Variants in RNF40 observed in about 807,000 individuals in gnomAD.
The protein encoded by RNF40 is E3 ubiquitin-protein ligase BRE1B.
Under a neutral mutation model 123.3 loss-of-function variants are expected in RNF40, and 39 were observed. That is an observed-to-expected ratio of 0.32 (90% CI 0.24 to 0.41). RNF40 has a LOEUF of 0.41. Among genes scored for constraint, RNF40 ranks in the 10% least tolerant of loss-of-function variants. The probability of loss-of-function intolerance (pLI) is 1.00; values close to 1 mark genes in which losing one functional copy is unlikely to be tolerated. For synonymous variants in RNF40, 538 were observed against 526.0 expected, an observed-to-expected ratio of 1.02 and a Z score of -0.31; for missense variants, 1,003 against 1,319.9, an observed-to-expected ratio of 0.76 and a Z score of 3.72.
At chr16:30,767,572 A>C (rs914078601) in intron 11 of RNF40, 1 of 237,346 alleles carries the variant, frequency 4.2e-6, no homozygotes, top group African/African-American at 2.2e-5. Flanking sequence ...TCGGAGGCCA[A>C]GGTGGGAGGA....
chr16:30,762,659 T>C lies in RNF40; in HGVS notation c.114T>C (p.Leu38=). Reference sequence around the variant, plus strand: ...CGACTCTTATCGAGCCCATTCGTCTTGGAGGCATCTCTTCCACGGTTCGTG... The same window carrying C: ...CGACTCTTATCGAGCCCATTCGTCTCGGAGGCATCTCTTCCACGGTTCGTG... ...TTTTLIEPIR[L]GGISSTEEMD... is the part of the protein sequence containing the mutation. Residue 38 remains leucine (L), a synonymous_variant, in exon 2 of 20, where the codon CTT becomes CTC. Transcript: ENST00000324685. 6.2e-7 allele frequency: 1 copy of C among 1,613,308 alleles called. No individual in the cohort carries two copies. The highest frequency in any genetic ancestry group is 1.1e-5 in the South Asian group (1 of 90,974).
intron 4 of RNF40, 35 bp from the exon 5 acceptor site, chr16:30,764,144 T>C (rs779209101): frequency 1.3e-6 from 2 of 1,568,104 alleles, no homozygotes; most frequent in Non-Finnish European, 1.7e-6. Flanking sequence ...TAACTGCTGC[T>C]CTTATCCTCA....
chr16:30,766,228 G>A lies in RNF40; in HGVS notation c.1059G>A (p.Leu353=), dbSNP rs905536668. 2 of 1,614,104 alleles carry A rather than the reference G, an allele frequency of 1.2e-6. No individual in the cohort carries two copies. The highest frequency in any genetic ancestry group is 1.3e-5 in the African/African-American group (1 of 74,938). ...QELANSRMAE[L]EKLQAELQGA... ...TGGCCAACAGCCGTATGGCAGAGCT[G>A]GAGAAACTGCAGGCCGAACTTCAGG... Residue 353 remains leucine, a synonymous_variant, in exon 9 of 20, where the codon CTG becomes CTA. Coordinates refer to ENST00000324685, the MANE Select transcript of RNF40 (RefSeq NM_014771.4). This position sits in a 1 kb window ranked among gnomAD's most constrained non-coding sequence, Gnocchi z 5.4.
chr16:30,764,145 C>T (rs750792286), intron 4 of RNF40, 34 bp from the exon 5 acceptor site: 12 of 1,570,706 alleles, frequency 7.6e-6, no homozygotes, highest in Non-Finnish European at 9.5e-6. Flanking sequence ...AACTGCTGCT[C>T]TTATCCTCAT....
Position 30,766,521 on chromosome 16 carries a change from CAAAG to C in RNF40, c.1259_1262del (p.Lys420ThrfsTer66). ...GAGGCTCGGGGCCTGCTGCTGGCCA[CAAAG>C]AACTCCCACCTGCGACACATCGAGC... On this transcript the variant is annotated frameshift_variant, in exon 10 of 20. Transcript: ENST00000324685. LOFTEE classifies it high-confidence loss of function. This position sits in a 1 kb window ranked among gnomAD's most constrained non-coding sequence, Gnocchi z 5.4. 1 of 1,612,798 alleles carries C rather than the reference CAAAG, an allele frequency of 6.2e-7. No homozygotes were observed. The highest frequency in any genetic ancestry group is 8.5e-7 in the Non-Finnish European group (1 of 1,179,558).
chr16:30,770,697 G>T (rs1340247125), intron 17 of RNF40, among the ~76,000 whole-genome samples: 1 of 152,088 alleles, frequency 6.6e-6, no homozygotes, highest in Non-Finnish European at 1.5e-5. Flanking sequence ...CATTTAAGCA[G>T]TATGTTTGTG....
chr16:30,769,350 G>C lies in RNF40; in HGVS notation c.2412G>C (p.Arg804=). The C allele has an allele frequency of 1.2e-6, 2 of 1,614,238 alleles. No homozygotes were observed. Among genetic ancestry groups the C allele is most frequent in the Non-Finnish European group, 1.7e-6 (2 of 1,180,042 alleles). The part of the protein sequence containing the change: ...IKANQIHKLL[R]EEKDELGEQV... Reference sequence around the variant, plus strand: ...CCAACCAGATTCACAAGCTGCTGCGGGAGGAGAAGGATGAGTTGGGCGAGC... The same window carrying C: ...CCAACCAGATTCACAAGCTGCTGCGCGAGGAGAAGGATGAGTTGGGCGAGC... Residue 804 remains arginine, a synonymous_variant, in exon 16 of 20, where the codon CGG becomes CGC. Coordinates refer to ENST00000324685, the MANE Select transcript of RNF40 (RefSeq NM_014771.4).
At chr16:30,771,063 G>T (rs2054139853) in intron 17 of RNF40, among the ~76,000 whole-genome samples, 1 of 152,158 alleles carries the variant, frequency 6.6e-6, no homozygotes, top group African/African-American at 2.4e-5. Context: ...TGCGCTGATT[G>T]CTGTGGAGAC....
chr16:30,765,598 C>T, intron 8 of RNF40, 99 bp downstream of exon 8: 1 of 1,055,306 alleles, frequency 9.5e-7, no homozygotes, highest in Non-Finnish European at 1.4e-6. Flanking sequence ...TCTCTGAGGC[C>T]CTTCCTGGTC....
intron 11 of RNF40, chr16:30,767,643 T>TAAA: frequency 2.8e-6 from 1 of 362,842 alleles, no homozygotes; most frequent in Non-Finnish European, 5.0e-6. Flanking sequence ...TGTTTCTATT[T>TAAA]AAAAAAAAAA....
In RNF40 at chr16:30,774,358, GC is replaced by G. The variant is rs1464955459; in HGVS notation, c.*246del. On this transcript the variant is annotated 3_prime_UTR_variant, in exon 20 of 20. Coordinates refer to ENST00000324685, the MANE Select transcript of RNF40 (RefSeq NM_014771.4). ...GGGCACTGCCCTACAGAAAAGGTCTGCCTGAGAGGCCTGAGGAGCCCAGAGC... is the reference window on the plus strand; with the variant it reads ...GGGCACTGCCCTACAGAAAAGGTCTGCTGAGAGGCCTGAGGAGCCCAGAGC... 7 of 471,126 alleles carry G rather than the reference GC, an allele frequency of 1.5e-5. No homozygotes were observed. The highest frequency in any genetic ancestry group is 2.3e-5 in the Non-Finnish European group (6 of 263,500). 29.2% of individuals were successfully genotyped at this position (471,126 alleles called of 1,614,324 possible).
In RNF40 at chr16:30,768,508, A is replaced by G; in HGVS notation, c.1957A>G (p.Lys653Glu). Residue 653 changes from lysine (K) to glutamate (E), a missense_variant, in exon 13 of 20, where the codon AAG becomes GAG. Transcript: ENST00000324685. This position sits in a 1 kb window ranked among gnomAD's most constrained non-coding sequence, Gnocchi z 4.1. ...CAAGCGGAAGGAATCAGAACTCCTC[A>G]AGGGTCTCCGAGCAGAGCTCAAGTG... Reference protein sequence around the residue: ...ETKRKESELLKGLRAELKKAQ... With the variant: ...ETKRKESELLEGLRAELKKAQ... 6.2e-7 allele frequency: 1 copy of G among 1,610,634 alleles called. No homozygotes were observed.
rs1433470042 is a variant in RNF40 at position 30,763,152 on chromosome 16, A to G, written c.167A>G (p.Asn56Ser). 1.2e-6 allele frequency: 2 copies of G among 1,613,912 alleles called. No homozygotes were observed. The highest frequency in any genetic ancestry group is 1.3e-5 in the African/African-American group (1 of 74,936). ...EMDLKVLQFK[N>S]KKLAERLEQR... ...GACCTGAAGGTACTACAGTTCAAGA[A>G]CAAGAAACTGGCAGAGCGGCTGGAA... Residue 56 changes from asparagine (N) to serine (S), a missense_variant, in exon 3 of 20, where the codon AAC (asparagine) becomes AGC (serine). This residue lies in a region of RNF40 where 2 missense variants were observed against 21.2 expected (regional missense o/e 0.09). Transcript: ENST00000324685.
intron 7 of RNF40, 34 bp from the exon 8 acceptor site, chr16:30,765,391 C>T: frequency 6.2e-7 from 1 of 1,613,992 alleles, no homozygotes; most frequent in Non-Finnish European, 8.5e-7. Flanking sequence ...CTCCTCCCCT[C>T]TACATCCATT....
At chr16:30,767,151 T>C (rs2054048677) in intron 11 of RNF40, among the ~76,000 whole-genome samples, 1 of 152,186 alleles carries the variant, frequency 6.6e-6, no homozygotes, top group African/African-American at 2.4e-5. Flanking sequence ...CAGATACTTG[T>C]GTTACAAAGA....
chr16:30,770,389 G>A (rs1022836354), intron 17 of RNF40, among the ~76,000 whole-genome samples: 3 of 151,898 alleles, frequency 2.0e-5, no homozygotes, highest in Admixed American at 1.3e-4. Context: ...GGGTTACAGC[G>A]TGAGCCACTG....
chr16:30,774,242 G>T lies in RNF40; in HGVS notation c.*128G>T, dbSNP rs1445363449. The T allele has an allele frequency of 1.0e-6, 1 of 996,414 alleles. No homozygotes were observed. Among genetic ancestry groups the T allele is most frequent in the Non-Finnish European group, 1.4e-6 (1 of 691,348 alleles). The allele number at this position is 996,414 out of a possible 1,614,324, so 61.7% of individuals were successfully genotyped here. Reference sequence around the variant, plus strand: ...CATGGGCCCAGCCCCTGCCCATCTAGTTGGTTTGGGGACCCTGGTGCATGC... The same window carrying T: ...CATGGGCCCAGCCCCTGCCCATCTATTTGGTTTGGGGACCCTGGTGCATGC... On this transcript the variant is annotated 3_prime_UTR_variant, in exon 20 of 20. Coordinates refer to ENST00000324685, the MANE Select transcript of RNF40 (RefSeq NM_014771.4).
Position 30,766,438 on chromosome 16 carries a change from G to A in RNF40, c.1173G>A (p.Leu391=). The A allele has an allele frequency of 6.2e-7, 1 of 1,614,016 alleles. No individual in the cohort carries two copies. Among genetic ancestry groups the A allele is most frequent in the Non-Finnish European group, 8.5e-7 (1 of 1,180,010 alleles). The stretch of plus-strand genomic sequence containing the variant: ...GGGAGACGGGGGAGTACCGCATGCT[G>A]CAGGCCCAATTCTCACTGCTCTACA... ...VVRETGEYRM[L]QAQFSLLYNE... Residue 391 remains leucine, a synonymous_variant, in exon 10 of 20, where the codon CTG becomes CTA. Transcript: ENST00000324685. The surrounding 1 kb of genome is among the most constrained non-coding windows in gnomAD (Gnocchi z 5.4).
chr16:30,766,334 G>A lies in RNF40; in HGVS notation c.1114-45G>A, dbSNP rs762332150. The A allele has an allele frequency of 1.4e-5, 23 of 1,613,086 alleles. No individual in the cohort carries two copies. The highest frequency in any genetic ancestry group is 1.7e-5 in the Non-Finnish European group (20 of 1,179,214). On this transcript the variant is annotated intron_variant, in intron 9 of 19. Coordinates refer to ENST00000324685, the MANE Select transcript of RNF40 (RefSeq NM_014771.4). This position sits in a 1 kb window ranked among gnomAD's most constrained non-coding sequence, Gnocchi z 5.4. ...CCTGGGCCTGTAAGGGAGGGACTGA[G>A]CCCTGAATCCTGTTGCTGATCCCAT... is the stretch of plus-strand genomic sequence containing the variant.
Sources: allele counts gnomAD v4.1 joint callset (sites outside exome capture counted in the v4.1 genomes callset), GRCh38; gene constraint gnomAD v4.1.1; regional missense constraint gnomAD v4.1.1; non-coding constraint Gnocchi (gnomAD v3.1); transcripts MANE v1.5; gene names NCBI Gene and HGNC (gene_info 2026-07-23, HGNC 2026-07-21).